WHR1: variants seen among roughly 807,000 people sequenced by gnomAD.
WHR1 encodes the protein MHC class III HLA-RP1.
the WHR1 span, chr6:31,979,146 T>C: frequency 8.5e-6 from 6 of 708,998 alleles, no homozygotes; most frequent in Non-Finnish European, 1.1e-5. Context: ...TAAATAGTAA[T>C]ATGAGGGAGA....
the WHR1 span, chr6:31,979,603 T>A: frequency 6.3e-7 from 1 of 1,598,002 alleles, no homozygotes; most frequent in African/African-American, 1.3e-5. Context: ...CTTCCCTGCC[T>A]CCCTCCAGTT....
chr6:31,981,032 C>T, the WHR1 span: 8 of 500,788 alleles, frequency 1.6e-5, no homozygotes, highest in South Asian at 2.1e-5. Flanking sequence ...AACCCTCCTC[C>T]GCCTGCCAGA....
At chr6:31,976,733 C>T in the WHR1 span, among the ~76,000 whole-genome samples, 1 of 152,272 alleles carries the variant, frequency 6.6e-6, no homozygotes, top group African/African-American at 2.4e-5. Context: ...GATCCCGCCA[C>T]TGCACTCCAG....
At chr6:31,974,583 A>C in the WHR1 span, among the ~76,000 whole-genome samples, 1 of 152,168 alleles carries the variant, frequency 6.6e-6, no homozygotes, top group African/African-American at 2.4e-5. Context: ...TCTCTACTAA[A>C]TAAATAAATT....
At chr6:31,978,668 A>T in the WHR1 span, among the ~76,000 whole-genome samples, 1 of 152,196 alleles carries the variant, frequency 6.6e-6, no homozygotes, top group Admixed American at 6.5e-5. Flanking sequence ...GGTCTTAGAA[A>T]TTATATTGAC....
chr6:31,971,454 G>T, the WHR1 span: 3 of 1,613,684 alleles, frequency 1.9e-6, no homozygotes, highest in Admixed American at 1.7e-5. This position sits in a 1 kb window ranked among gnomAD's most constrained non-coding sequence, Gnocchi z 4.5. Context: ...GACCGTTAGT[G>T]GGGGGTGGGC....
At chr6:31,980,346 TG>T in the WHR1 span, 1 of 1,041,194 alleles carries the variant, frequency 9.6e-7, no homozygotes, top group Non-Finnish European at 1.4e-6. Context: ...CTCTCTTGCA[TG>T]GTTGCCCGTG....
At chr6:31,972,484 G>C in the WHR1 span, 1 of 1,612,702 alleles carries the variant, frequency 6.2e-7, no homozygotes, top group Non-Finnish European at 8.5e-7. This position sits in a 1 kb window ranked among gnomAD's most constrained non-coding sequence, Gnocchi z 6.3. Context: ...AGGGCCTGTG[G>C]AGTCGGATCC....
chr6:31,972,160 C>T, the WHR1 span: 6 of 1,612,682 alleles, frequency 3.7e-6, no homozygotes, highest in East Asian at 4.5e-5. This position sits in a 1 kb window ranked among gnomAD's most constrained non-coding sequence, Gnocchi z 6.3. Flanking sequence ...CGTGCGTGCC[C>T]TTGGAGGGAG....
At chr6:31,979,518 G>A in the WHR1 span, 8 of 1,612,934 alleles carry the variant, frequency 5.0e-6, no homozygotes, top group Middle Eastern at 4.9e-4. Flanking sequence ...AGGACCAAAT[G>A]ACACAGACCT....
At chr6:31,971,393 G>C in the WHR1 span, 1 of 1,591,354 alleles carries the variant, frequency 6.3e-7, no homozygotes, top group South Asian at 1.1e-5. This position sits in a 1 kb window ranked among gnomAD's most constrained non-coding sequence, Gnocchi z 4.5. Context: ...TCCTCGTCCC[G>C]GGGCTGGTAT....
chr6:31,973,117 T>G, the WHR1 span: 4 of 498,234 alleles, frequency 8.0e-6, no homozygotes, highest in Non-Finnish European at 1.5e-5. Context: ...GAGGGAATGG[T>G]GTATTGGAGA....
chr6:31,972,573 C>T, the WHR1 span: 4 of 1,594,218 alleles, frequency 2.5e-6, no homozygotes, highest in Non-Finnish European at 3.4e-6. This position sits in a 1 kb window ranked among gnomAD's most constrained non-coding sequence, Gnocchi z 6.3. Flanking sequence ...TTGTTAGAAC[C>T]GCGTCCCCGC....
the WHR1 span, among the ~76,000 whole-genome samples, chr6:31,976,144 C>A: frequency 6.9e-6 from 1 of 144,322 alleles, no homozygotes; most frequent in African/African-American, 2.6e-5. Context: ...GCTGACCCCC[C>A]CACCTCCCTC....
At chr6:31,972,130 G>A in the WHR1 span, 3 of 1,612,840 alleles carry the variant, frequency 1.9e-6, no homozygotes, top group African/African-American at 2.7e-5. The surrounding 1 kb of genome is among the most constrained non-coding windows in gnomAD (Gnocchi z 6.3). Flanking sequence ...GCCCCTCCAC[G>A]CCGCCAACGA....
the WHR1 span, among the ~76,000 whole-genome samples, chr6:31,977,777 G>A: frequency 6.7e-6 from 1 of 149,906 alleles, no homozygotes; most frequent in East Asian, 2.0e-4. Flanking sequence ...ATGAGCCACC[G>A]TGCCCGGCCC....
the WHR1 span, chr6:31,972,923 G>T: frequency 8.8e-6 from 10 of 1,139,320 alleles, no homozygotes; most frequent in Non-Finnish European, 1.1e-5. This position sits in a 1 kb window ranked among gnomAD's most constrained non-coding sequence, Gnocchi z 6.3. Context: ...CCCGCAGGTA[G>T]TACAGGGCAT....
At chr6:31,975,659 A>G in the WHR1 span, among the ~76,000 whole-genome samples, 129 of 146,492 alleles carry the variant, frequency 8.8e-4, no homozygotes, top group Non-Finnish European at 1.3e-3. Flanking sequence ...TTTTTTTTGA[A>G]AAGTCTCCCA....
At chr6:31,980,115 C>T in the WHR1 span, 3 of 326,634 alleles carry the variant, frequency 9.2e-6, no homozygotes, top group Non-Finnish European at 5.6e-6. Context: ...GTGGCAGGAG[C>T]GCAGAAGACT....
Sources: allele counts gnomAD v4.1 joint callset (sites outside exome capture counted in the v4.1 genomes callset), GRCh38; gene constraint gnomAD v4.1.1; non-coding constraint Gnocchi (gnomAD v3.1); transcripts MANE v1.5; gene names NCBI Gene and HGNC (gene_info 2026-07-23, HGNC 2026-07-21).